NIBAN3: variants seen among roughly 807,000 people sequenced by gnomAD.
NIBAN3 encodes niban apoptosis regulator 3.
Under a neutral mutation model 76.4 loss-of-function variants are expected in NIBAN3, and 66 were observed. The observed-to-expected ratio is 0.86, with a 90% CI of 0.71 to 1.06. The LOEUF (loss-of-function observed/expected upper bound fraction) is 1.06, where lower values mean the gene tolerates loss of function less well. Among genes scored for constraint, NIBAN3 ranks in the 50% least tolerant of loss-of-function variants. NIBAN3 has a pLI of 0.00. For synonymous variants in NIBAN3, 360 were observed against 355.2 expected (o/e 1.01, Z -0.15); for missense variants, 808 against 810.7 (o/e 1.00, Z 0.04).
At chr19:17,538,874 C>T (rs2075879563) in intron 5 of NIBAN3, among the ~76,000 whole-genome samples, 1 of 152,170 alleles carries the variant, frequency 6.6e-6, no homozygotes, top group African/African-American at 2.4e-5. Flanking sequence ...ACTGCACAAA[C>T]GATGCAACTA....
chr19:17,546,915 G>A, intron 13 of NIBAN3, 118 bp downstream of exon 13: 1 of 1,343,260 alleles, frequency 7.4e-7, no homozygotes, highest in Non-Finnish European at 1.0e-6. Flanking sequence ...TTGACCTTAA[G>A]TCAGGACTTG....
intron 1 of NIBAN3, among the ~76,000 whole-genome samples, chr19:17,528,531 C>T (rs1218265689): frequency 2.0e-5 from 3 of 152,156 alleles, no homozygotes; most frequent in African/African-American, 7.2e-5. Flanking sequence ...GGGCAGGGAC[C>T]AGCAGGCCCC....
chr19:17,549,171 A>G (rs887826491), intron 13 of NIBAN3, among the ~76,000 whole-genome samples: 2 of 152,164 alleles, frequency 1.3e-5, no homozygotes, highest in Admixed American at 1.3e-4. Flanking sequence ...TAAAGATTTT[A>G]TGTATCCTTA....
In NIBAN3 at chr19:17,553,292, C is replaced by G; in HGVS notation, c.*1394C>G. The G allele has an allele frequency of 6.2e-7, 1 of 1,609,800 alleles. No individual in the cohort carries two copies. On this transcript the variant is annotated 3_prime_UTR_variant, in exon 15 of 15. Coordinates refer to ENST00000599164, the MANE Select transcript of NIBAN3 (RefSeq NM_001321827.2). Reference sequence around the variant, plus strand: ...GGTTTTTTTCTCCGCTTGCTGTGAGCCTTTTGGGTTTGTTTCCTAGCTCCA... The same window carrying G: ...GGTTTTTTTCTCCGCTTGCTGTGAGGCTTTTGGGTTTGTTTCCTAGCTCCA...
chr19:17,549,305 G>T, intron 13 of NIBAN3, 139 bp from the exon 14 acceptor site: 1 of 672,622 alleles, frequency 1.5e-6, no homozygotes. Context: ...CCATGGGTGC[G>T]GGCTTGGAGA....
In NIBAN3 at chr19:17,542,130, G is replaced by A. The variant is rs777804301; in HGVS notation, c.1171-6G>A. On this transcript the variant is annotated splice_region_variant and splice_polypyrimidine_tract_variant and intron_variant, in intron 9 of 14. Coordinates refer to ENST00000599164, the MANE Select transcript of NIBAN3 (RefSeq NM_001321827.2). The surrounding 1 kb of genome is among the most constrained non-coding windows in gnomAD (Gnocchi z 4.8). The stretch of plus-strand genomic sequence containing the variant: ...TTTTCCCCCAAAACTGCTTCCGGGA[G>A]CACAGGTTTACTCATTTGGGGAGAT... 50 of 1,614,044 alleles carry A rather than the reference G, an allele frequency of 3.1e-5. No homozygotes were observed. The highest frequency in any genetic ancestry group is 1.6e-4 in the Middle Eastern group (1 of 6,082).
chr19:17,555,485 GCTATGTGC>G (rs2076203788), downstream of NIBAN3: 1 of 273,546 alleles, frequency 3.7e-6, no homozygotes, highest in Non-Finnish European at 6.3e-6. Context: ...CGCTCCGAGC[GCTATGTGC>G]CTTTAAGATC....
chr19:17,537,461 C>A lies in NIBAN3; in HGVS notation c.513C>A (p.His171Gln). ...PLFLQHPFRRHLCFSAATREA... is the reference protein window; with the variant it reads ...PLFLQHPFRRQLCFSAATREA... ...TCCTGCAGCACCCCTTCCGCCGGCACCTCTGCTTCTCTGCAGCCACCAGGG... is the reference window on the plus strand; with the variant it reads ...TCCTGCAGCACCCCTTCCGCCGGCAACTCTGCTTCTCTGCAGCCACCAGGG... The change falls in exon 5 of 15, where the codon CAC becomes CAA. Residue 171 changes from histidine to glutamine, a missense_variant. Physicochemically the swap from His to Gln is conservative, Grantham distance 24 (BLOSUM62 0). Transcript: ENST00000599164. 6.2e-7 allele frequency: 1 copy of A among 1,613,796 alleles called. No individual in the cohort carries two copies. Among genetic ancestry groups the A allele is most frequent in the Non-Finnish European group, 8.5e-7 (1 of 1,180,018 alleles).
chr19:17,543,272 G>T, intron 10 of NIBAN3, 45 bp from the exon 11 acceptor site: 1 of 1,363,538 alleles, frequency 7.3e-7, no homozygotes, highest in Non-Finnish European at 1.0e-6. Flanking sequence ...GGCCCGGGAG[G>T]CTGGAGCACA....
rs777221982 is a variant in NIBAN3, at chr19:17,542,104, T to C, written c.1171-32T>C. Reference sequence around the variant, plus strand: ...GGCCCTTTGCAATCAGCTGACAGCATTTTTCCCCCAAAACTGCTTCCGGGA... The same window carrying C: ...GGCCCTTTGCAATCAGCTGACAGCACTTTTCCCCCAAAACTGCTTCCGGGA... On this transcript the variant is annotated intron_variant, in intron 9 of 14. Coordinates refer to ENST00000599164, the MANE Select transcript of NIBAN3 (RefSeq NM_001321827.2). This position sits in a 1 kb window ranked among gnomAD's most constrained non-coding sequence, Gnocchi z 4.8. 4 of 1,611,432 alleles carry C rather than the reference T, an allele frequency of 2.5e-6. No homozygotes were observed. The South Asian group carries it at 3.3e-5, about 13-fold the overall frequency.
chr19:17,529,255 AT>A (rs1039127628), intron 1 of NIBAN3, among the ~76,000 whole-genome samples: 5 of 151,658 alleles, frequency 3.3e-5, no homozygotes, highest in African/African-American at 4.9e-5. Context: ...TAGCACTGGG[AT>A]TTTTTTCCCC....
At chr19:17,541,220 T>C (rs2075944903) in intron 9 of NIBAN3, among the ~76,000 whole-genome samples, 1 of 126,750 alleles carries the variant, frequency 7.9e-6, no homozygotes, top group Admixed American at 9.7e-5. Flanking sequence ...CTAAAATACA[T>C]ACATACATAT....
At chr19:17,537,286 GC>G (rs1221411115) in intron 4 of NIBAN3, 89 bp from the exon 5 acceptor site, 2 of 1,277,022 alleles carry the variant, frequency 1.6e-6, no homozygotes, top group East Asian at 2.3e-5. Context: ...TCGAGCAACT[GC>G]CCATGCCAGG....
intron 13 of NIBAN3, among the ~76,000 whole-genome samples, chr19:17,547,385 C>T (rs781299533): frequency 7.1e-4 from 66 of 93,476 alleles, no homozygotes; most frequent in African/African-American, 1.2e-3. Flanking sequence ...GACAGAGTCT[C>T]GCTCTGTCAC....
In NIBAN3 at chr19:17,542,063, T is replaced by G; in HGVS notation, c.1171-73T>G. On this transcript the variant is annotated intron_variant, in intron 9 of 14. Transcript: ENST00000599164. The surrounding 1 kb of genome is among the most constrained non-coding windows in gnomAD (Gnocchi z 4.8). Reference sequence around the variant, plus strand: ...CATTTGTGTTTCTCCTTTGGTGAATTGGTAATGGGGTCCCTGGCCCTTTGC... The same window carrying G: ...CATTTGTGTTTCTCCTTTGGTGAATGGGTAATGGGGTCCCTGGCCCTTTGC... 1 of 1,547,928 alleles carries G rather than the reference T, an allele frequency of 6.5e-7. No homozygotes were observed. Among genetic ancestry groups the G allele is most frequent in the Non-Finnish European group, 8.9e-7 (1 of 1,123,700 alleles).
intron 9 of NIBAN3, among the ~76,000 whole-genome samples, chr19:17,541,476 G>A (rs925815735): frequency 2.0e-5 from 3 of 152,026 alleles, no homozygotes; most frequent in African/African-American, 7.2e-5. Context: ...CTGGGTTAGA[G>A]TATTCCATTT....
chr19:17,538,804 G>C (rs77040346), intron 5 of NIBAN3, among the ~76,000 whole-genome samples: 1,830 of 152,112 alleles, frequency 0.012, 37 homozygotes, highest in African/African-American at 0.042. Flanking sequence ...GGAAGGGAAA[G>C]AGAGAAAGAA....
At chr19:17,549,757 C>T in intron 14 of NIBAN3, 1 of 603,932 alleles carries the variant, frequency 1.7e-6, no homozygotes, top group South Asian at 1.9e-5. Context: ...CTCTGACATG[C>T]ATGTGAGCTC....
intron 4 of NIBAN3, among the ~76,000 whole-genome samples, chr19:17,536,559 T>C (rs945736091): frequency 6.6e-6 from 1 of 152,116 alleles, no homozygotes; most frequent in Non-Finnish European, 1.5e-5. Context: ...GGAGACAGGA[T>C]ACCCTAAATA....
Sources: gnomAD v4.1 joint callset for allele counts (sites outside exome capture counted in the v4.1 genomes callset) on GRCh38, gnomAD v4.1.1 for gene constraint, Gnocchi (gnomAD v3.1) non-coding constraint, MANE v1.5 for transcripts, NCBI Gene and HGNC (gene_info 2026-07-23, HGNC 2026-07-21) for gene names.